Variants in ECI2 observed in about 807,000 individuals in gnomAD.
ECI2 encodes the protein enoyl-CoA delta isomerase 2, also known as D3,D2-enoyl-CoA isomerase.
ECI2 carries 27 observed loss-of-function variants against 38.4 expected under a neutral mutation model. That is an observed-to-expected ratio of 0.70 (90% CI 0.52 to 0.97). The LOEUF is 0.97. ECI2 is among the 50% of genes least tolerant of loss of function. The pLI, the probability that ECI2 is intolerant of heterozygous loss-of-function variation, is 0.00. For synonymous variants in ECI2, 168 were observed against 172.0 expected (o/e 0.98, Z 0.18); for missense variants, 470 against 474.4 (o/e 0.99, Z 0.09).
chr6:4,130,058 C>CA, intron 4 of ECI2: 1 of 1,558,976 alleles, frequency 6.4e-7, no homozygotes, highest in East Asian at 2.2e-5. Flanking sequence ...GAGCAGTCTA[C>CA]ACCAACCTTA....
chr6:4,133,506 T>C, intron 2 of ECI2, 43 bp downstream of exon 2: 1 of 1,559,342 alleles, frequency 6.4e-7, no homozygotes, highest in Non-Finnish European at 8.7e-7. Context: ...AAGAAGTCAT[T>C]TGCCCAAAAT....
chr6:4,119,306 C>A, intron 7 of ECI2, 31 bp from the exon 8 acceptor site: 2 of 1,491,756 alleles, frequency 1.3e-6, no homozygotes, highest in Non-Finnish European at 1.8e-6. Flanking sequence ...AGAAAACCAT[C>A]TTTTCATGTG....
chr6:4,130,063 A>T, intron 4 of ECI2: 1 of 1,577,490 alleles, frequency 6.3e-7, no homozygotes, highest in Non-Finnish European at 8.7e-7. Flanking sequence ...GTCTACACCA[A>T]CCTTAGATGG....
chr6:4,121,952 A>C, intron 7 of ECI2: 1 of 1,567,690 alleles, frequency 6.4e-7, no homozygotes, highest in Non-Finnish European at 8.6e-7. Context: ...CCAAAAGAAA[A>C]CTTATTCAAA....
chr6:4,123,402 C>T (rs1371993251), intron 7 of ECI2, among the ~76,000 whole-genome samples: 3 of 151,854 alleles, frequency 2.0e-5, no homozygotes, highest in African/African-American at 7.3e-5. Context: ...GTCTTGAACT[C>T]CTGACCTCAG....
intron 4 of ECI2, 67 bp from the exon 5 acceptor site, chr6:4,127,898 A>C (rs2113997285): frequency 1.8e-4 from 261 of 1,462,484 alleles, no homozygotes; most frequent in Non-Finnish European, 2.2e-4. Flanking sequence ...CAATGGACTC[A>C]ACAAATGTCA....
At chr6:4,129,991 C>T (rs1226545827) in intron 4 of ECI2, 25 of 843,474 alleles carry the variant, frequency 3.0e-5, no homozygotes, top group Non-Finnish European at 4.6e-5. Flanking sequence ...AAAATGAAGC[C>T]CCCGTGCAAG....
rs1407439664 is a variant in ECI2 at position 4,135,495 on chromosome 6, G to A, written c.50+16C>T. ...GCGGGCGACCATGGGCCGAACGGCC[G>A]GGACTCCAAGCTTACCTCGGACACG... On this transcript the variant is annotated intron_variant, in intron 1 of 9. Coordinates refer to ENST00000380118, the MANE Select transcript of ECI2 (RefSeq NM_206836.3). The A allele has an allele frequency of 6.2e-7, 1 of 1,612,246 alleles. No homozygotes were observed. Among genetic ancestry groups the A allele is most frequent in the South Asian group, 1.1e-5 (1 of 91,026 alleles).
At chr6:4,135,106 T>G (rs1773664684) in intron 1 of ECI2, 1 of 483,404 alleles carries the variant, frequency 2.1e-6, no homozygotes. Context: ...GATAACGGCT[T>G]GCGTTTACCT....
chr6:4,134,481 A>T lies in ECI2; in HGVS notation c.51-770T>A, dbSNP rs116029603. Among the ~76,000 whole-genome samples the T allele has an allele frequency of 1.0e-3, 158 of 152,330 alleles. 1 individual carries two copies. The highest frequency in any genetic ancestry group is 3.6e-3 in the African/African-American group (150 of 41,574). ...GGGGTGGGGTGGCAAACTTGAATGC[A>T]CAGGACTCAGGCCACAAGCTAAAAA... On this transcript the variant is annotated intron_variant, in intron 1 of 9. Coordinates refer to ENST00000380118, the MANE Select transcript of ECI2 (RefSeq NM_206836.3).
intron 2 of ECI2, among the ~76,000 whole-genome samples, chr6:4,132,085 A>G (rs1183962907): frequency 6.6e-6 from 1 of 152,136 alleles, no homozygotes; most frequent in Non-Finnish European, 1.5e-5. Context: ...AAGTGCAACA[A>G]TTTGCTAGAA....
intron 7 of ECI2, 117 bp from the exon 8 acceptor site, chr6:4,119,392 C>T (rs1772523958): frequency 1.5e-6 from 1 of 667,842 alleles, no homozygotes; most frequent in South Asian, 1.9e-5. Context: ...GCGATCTCGG[C>T]TCACTGCAAC....
chr6:4,124,521 G>A (rs1336884458), intron 7 of ECI2, among the ~76,000 whole-genome samples: 14 of 152,088 alleles, frequency 9.2e-5, no homozygotes, highest in Admixed American at 9.2e-4. Flanking sequence ...TGCTTGTAAT[G>A]ATAAAAATTG....
chr6:4,131,674 T>C (rs1773514105), intron 2 of ECI2, among the ~76,000 whole-genome samples: 1 of 151,806 alleles, frequency 6.6e-6, no homozygotes. Flanking sequence ...CTGACCAATA[T>C]GGTAAAACCC....
rs759771719 is a variant in ECI2 at position 4,133,537 on chromosome 6, G to T, written c.213+12C>A. The stretch of plus-strand genomic sequence containing the variant: ...AAAATTCTTTAAATAACGTTCGACC[G>T]TAGGCATTTACCTGCTTATATAGCG... On this transcript the variant is annotated intron_variant, in intron 2 of 9. Coordinates refer to ENST00000380118, the MANE Select transcript of ECI2 (RefSeq NM_206836.3). The T allele has an allele frequency of 6.3e-7, 1 of 1,594,084 alleles. No individual in the cohort carries two copies. Among genetic ancestry groups the T allele is most frequent in the South Asian group, 1.1e-5 (1 of 87,426 alleles).
chr6:4,132,148 A>G (rs1773532263), intron 2 of ECI2, among the ~76,000 whole-genome samples: 1 of 152,250 alleles, frequency 6.6e-6, no homozygotes, highest in South Asian at 2.1e-4. Context: ...TAGTTTATTA[A>G]GGGAAAGGAT....
rs763108114 is a variant in ECI2, at chr6:4,125,245, C to A, written c.795+5G>T. On this transcript the variant is annotated splice_donor_5th_base_variant and intron_variant, in intron 7 of 9. Coordinates refer to ENST00000380118, the MANE Select transcript of ECI2 (RefSeq NM_206836.3). ...TGACCTCTTGCTTTCTAGGAGCTGACTTACCCTGTCAGATGCATACACGGC... is the reference window on the plus strand; with the variant it reads ...TGACCTCTTGCTTTCTAGGAGCTGAATTACCCTGTCAGATGCATACACGGC... 1.2e-6 allele frequency: 2 copies of A among 1,613,804 alleles called. No individual in the cohort carries two copies. Among genetic ancestry groups the A allele is most frequent in the East Asian group, 4.5e-5 (2 of 44,892 alleles).
chr6:4,130,305 G>C, intron 4 of ECI2, 67 bp downstream of exon 4: 1 of 1,613,690 alleles, frequency 6.2e-7, no homozygotes, highest in Non-Finnish European at 8.5e-7. Context: ...AAACTCTACA[G>C]CTTTTGTGTG....
intron 2 of ECI2, 136 bp downstream of exon 2, chr6:4,133,413 C>T (rs1261478773): frequency 4.1e-6 from 4 of 985,560 alleles, no homozygotes; most frequent in Non-Finnish European, 6.0e-6. Context: ...TATATATACA[C>T]ACACACACTC....
Sources: gnomAD v4.1 joint callset for allele counts (sites outside exome capture counted in the v4.1 genomes callset) on GRCh38, gnomAD v4.1.1 for gene constraint, MANE v1.5 for transcripts, NCBI Gene and HGNC (gene_info 2026-07-23, HGNC 2026-07-21) for gene names.